Variants in GSE1 observed in about 807,000 individuals in gnomAD.
GSE1 encodes Gse1 coiled-coil protein, also known as genetic suppressor element 1.
In GSE1, 32 loss-of-function variants were observed where a neutral mutation model predicts 112.6. That is an observed-to-expected ratio of 0.28 (90% confidence interval 0.21 to 0.38). The LOEUF is 0.38. Ranked by LOEUF, GSE1 falls within the 10% of genes least tolerant of loss-of-function variation. GSE1 has a pLI of 1.00. For synonymous variants in GSE1, 1,115 were observed against 735.6 expected, an observed-to-expected ratio of 1.52 and a Z score of -8.35; for missense variants, 2,348 against 1,699.2, an observed-to-expected ratio of 1.38 and a Z score of -6.71.
chr16:85,219,171 C>CCCGG (rs1241472238), intron 1 of GSE1, among the ~76,000 whole-genome samples: 1 of 152,158 alleles, frequency 6.6e-6, no homozygotes, highest in African/African-American at 2.4e-5. Context: ...AGCCACCGCG[C>CCCGG]CCGGCCTAAT....
chr16:85,648,712 C>T lies in GSE1; in HGVS notation c.387C>T (p.Thr129=). 1 of 1,608,322 alleles carries T rather than the reference C, an allele frequency of 6.2e-7. No homozygotes were observed. Among genetic ancestry groups the T allele is most frequent in the Non-Finnish European group, 8.5e-7 (1 of 1,177,934 alleles). The change falls in exon 3 of 16, where the codon ACC becomes ACT. Residue 129 remains threonine (T), a synonymous_variant. Transcript: ENST00000253458. ...CCCCCGTGGTGACCATCGCTCCAAC[C>T]AAAACCGTGAATGGTGTCTGGAGGA... ...STPPVVTIAP[T]KTVNGVWRSE... is the part of the protein sequence containing the mutation.
chr16:85,315,180 C>G (rs551138398), intron 1 of GSE1, among the ~76,000 whole-genome samples: 159 of 149,900 alleles, frequency 1.1e-3, no homozygotes, highest in African/African-American at 3.6e-3. Flanking sequence ...GATCTTTTGA[C>G]AAGGAAGGAG....
chr16:85,632,703 G>A (rs1200387949), intron 1 of GSE1, among the ~76,000 whole-genome samples: 2 of 151,944 alleles, frequency 1.3e-5, no homozygotes, highest in Non-Finnish European at 2.9e-5. Context: ...CATAGGAAGT[G>A]CACAGTCCGC....
At chr16:85,209,032 G>T (rs1299055783) in intron 1 of GSE1, among the ~76,000 whole-genome samples, 1 of 151,654 alleles carries the variant, frequency 6.6e-6, no homozygotes, top group African/African-American at 2.4e-5. Context: ...GGGTTCGCCT[G>T]TGTTGGGGTT....
At position 85,654,797 on chromosome 16, in the gene GSE1, C is replaced by T. The variant is rs769271910; in HGVS notation, c.603C>T (p.Leu201=). The change falls in exon 5 of 16, where the codon CTC becomes CTT. Residue 201 remains leucine (L), a synonymous_variant. Coordinates refer to ENST00000253458, the MANE Select transcript of GSE1 (RefSeq NM_014615.5). The part of the protein sequence containing the change: ...VQDSRFPPLN[L]QRPVHHVVPP... ...TGCCCACTATCCCCGCCTGCAGCCT[C>T]CAGCGGCCCGTGCACCACGTGGTGC... 1 of 1,608,946 alleles carries T rather than the reference C, an allele frequency of 6.2e-7. No homozygotes were observed. The highest frequency in any genetic ancestry group is 1.1e-5 in the South Asian group (1 of 90,672).
At chr16:85,279,145 A>T (rs2144243256) in intron 1 of GSE1, 1 of 152,368 alleles carries the variant, frequency 6.6e-6, no homozygotes, top group African/African-American at 2.4e-5. Context: ...TAAAATAACG[A>T]TGTGGTAACT....
At chr16:85,438,915 TC>T (rs913969110) in intron 2 of GSE1, among the ~76,000 whole-genome samples, 8 of 152,012 alleles carry the variant, frequency 5.3e-5, no homozygotes, top group African/African-American at 1.7e-4. Flanking sequence ...AGGGTAGGGA[TC>T]CCCCCGCGGC....
chr16:85,397,775 G>A (rs1242228574), intron 2 of GSE1, among the ~76,000 whole-genome samples: 2 of 152,210 alleles, frequency 1.3e-5, no homozygotes, highest in Admixed American at 1.3e-4. Flanking sequence ...GCAATGTGGA[G>A]GAAGGCGCAC....
At chr16:85,550,081 C>G (rs1368047442) in intron 2 of GSE1, among the ~76,000 whole-genome samples, 1 of 152,170 alleles carries the variant, frequency 6.6e-6, no homozygotes, top group South Asian at 2.1e-4. Context: ...TGTGATTACA[C>G]GTATCTTCCT....
At chr16:85,520,377 C>A (rs1022212282) in intron 2 of GSE1, among the ~76,000 whole-genome samples, 2 of 152,048 alleles carry the variant, frequency 1.3e-5, no homozygotes, top group African/African-American at 4.8e-5. Context: ...GTAGCAGACC[C>A]CTGAGAGAAG....
At chr16:85,591,368 G>A (rs2046995459) in intron 1 of GSE1, among the ~76,000 whole-genome samples, 2 of 152,246 alleles carry the variant, frequency 1.3e-5, no homozygotes, top group South Asian at 4.1e-4. Flanking sequence ...AACTCAGAAA[G>A]TGGGGAGATG....
chr16:85,646,148 C>T (rs910496165), intron 2 of GSE1, among the ~76,000 whole-genome samples: 1 of 124,742 alleles, frequency 8.0e-6, no homozygotes, highest in Non-Finnish European at 1.7e-5. Context: ...TGCATTCTAC[C>T]TGCTTCTACC....
intron 1 of GSE1, among the ~76,000 whole-genome samples, chr16:85,598,163 GGTT>G (rs1400308902): frequency 7.0e-6 from 1 of 143,628 alleles, no homozygotes; most frequent in African/African-American, 2.7e-5. Context: ...CCTGAGGTTT[GGTT>G]GTTTTTTTTT....
intron 2 of GSE1, among the ~76,000 whole-genome samples, chr16:85,550,433 C>T (rs188515653): frequency 2.0e-5 from 3 of 152,252 alleles, no homozygotes; most frequent in Non-Finnish European, 4.4e-5. Context: ...ACTGAGCAGG[C>T]GGGAAGCATC....
At chr16:85,443,527 C>T (rs997787096) in intron 2 of GSE1, among the ~76,000 whole-genome samples, 2 of 152,232 alleles carry the variant, frequency 1.3e-5, no homozygotes, top group South Asian at 2.1e-4. Flanking sequence ...TTTATATAAG[C>T]GTTAACTGTT....
At chr16:85,261,115 G>T (rs539924175) in intron 1 of GSE1, among the ~76,000 whole-genome samples, 7 of 152,178 alleles carry the variant, frequency 4.6e-5, no homozygotes, top group Non-Finnish European at 1.0e-4. Context: ...TACCACCCCC[G>T]CCTGGAGGGC....
In GSE1 at chr16:85,658,941, G is replaced by A. The variant is rs139541430; in HGVS notation, c.1640+1337G>A. On this transcript the variant is annotated intron_variant, in intron 8 of 15. Transcript: ENST00000253458. ...GCAGGGCCTGGCCTCCCCTGGCTGC[G>A]GTGGTTCCCCTGTGGCCGGCTGCAC... 3.3e-3 allele frequency among the ~76,000 whole-genome samples: 504 copies of A among 152,332 alleles called. 1 individual carries two copies. The highest frequency in any genetic ancestry group is 6.1e-3 in the Non-Finnish European group (415 of 68,030).
chr16:85,639,372 C>T (rs1460093346), intron 2 of GSE1, among the ~76,000 whole-genome samples: 1 of 152,180 alleles, frequency 6.6e-6, no homozygotes, highest in South Asian at 2.1e-4. Flanking sequence ...GCACAGACAC[C>T]CAACCACCCC....
chr16:85,606,816 T>TG (rs1256390944), upstream of GSE1, among the ~76,000 whole-genome samples: 2 of 152,090 alleles, frequency 1.3e-5, no homozygotes, highest in East Asian at 1.9e-4. Flanking sequence ...GGGGTATGTG[T>TG]GGGGGGTGCT....
Sources: allele counts gnomAD v4.1 joint callset (sites outside exome capture counted in the v4.1 genomes callset), GRCh38; gene constraint gnomAD v4.1.1; transcripts MANE v1.5; gene names NCBI Gene and HGNC (gene_info 2026-07-23, HGNC 2026-07-21).